Variants in ENO4 observed in about 807,000 individuals in gnomAD.
The protein encoded by ENO4 is 2-phospho-D-glycerate hydro-lyase.
A neutral mutation model predicts 63.2 loss-of-function variants in ENO4; 53 were observed. That is an observed-to-expected ratio of 0.84 (90% CI 0.67 to 1.05). The LOEUF is 1.05. Among genes scored for constraint, ENO4 ranks in the 50% least tolerant of loss-of-function variants. ENO4 has a pLI of 0.00. For missense variants in ENO4, 719 were observed against 772.0 expected (o/e 0.93, Z 0.81); for synonymous variants, 266 against 283.8 (o/e 0.94, Z 0.63).
chr10:116,863,961 C>A (rs1278268515), intron 7 of ENO4, among the ~76,000 whole-genome samples: 1 of 152,180 alleles, frequency 6.6e-6, no homozygotes, highest in Non-Finnish European at 1.5e-5. Flanking sequence ...GACCTTGGGC[C>A]AATTCCATAG....
intron 3 of ENO4, among the ~76,000 whole-genome samples, chr10:116,857,299 C>T (rs937840574): frequency 6.6e-6 from 1 of 152,158 alleles, no homozygotes; most frequent in Admixed American, 6.5e-5. Context: ...CTTCTCCCCA[C>T]CTGTCACATG....
intron 10 of ENO4, among the ~76,000 whole-genome samples, chr10:116,909,844 T>A (rs150511069): frequency 3.9e-5 from 6 of 152,282 alleles, no homozygotes; most frequent in Non-Finnish European, 7.4e-5. Context: ...TTCTTTCTGG[T>A]TCTGTTCCAC....
chr10:116,859,208 C>T (rs1462968354), intron 4 of ENO4, 70 bp downstream of exon 4: 1 of 1,427,160 alleles, frequency 7.0e-7, no homozygotes, highest in South Asian at 1.6e-5. Context: ...GAAGCCTGGA[C>T]TGCCTTTCTG....
intron 6 of ENO4, 113 bp from the exon 7 acceptor site, chr10:116,862,686 C>T: frequency 1.4e-6 from 1 of 701,124 alleles, no homozygotes; most frequent in South Asian, 1.8e-5. Flanking sequence ...ATATCATCTG[C>T]TAATCAGGGA....
chr10:116,861,303 GA>G (rs1263876292), intron 6 of ENO4, 113 bp downstream of exon 6: 105 of 316,686 alleles, frequency 3.3e-4, no homozygotes, highest in Non-Finnish European at 4.3e-4. Context: ...GATAAAATGA[GA>G]AAAAAAATAT....
At position 116,882,235 on chromosome 10, in the gene ENO4, G is replaced by A. The variant is rs1847037161; in HGVS notation, c.*566G>A. 1 of 151,742 alleles carries A rather than the reference G, an allele frequency of 6.6e-6. No individual in the cohort carries two copies. The highest frequency in any genetic ancestry group is 1.5e-5 in the Non-Finnish European group (1 of 67,956). 9.4% of individuals were successfully genotyped at this position (151,742 alleles called of 1,614,324 possible). On this transcript the variant is annotated 3_prime_UTR_variant, in exon 14 of 14. Coordinates refer to ENST00000341276, the MANE Select transcript of ENO4 (RefSeq NM_001242699.2). ...AATTCCCTCTCCTTTTTAAATTTTA[G>A]TTTTTCTTGTATTATTTTTATCTTT...
chr10:116,901,360 T>C, intron 10 of ENO4: 1 of 985,150 alleles, frequency 1.0e-6, no homozygotes, highest in Non-Finnish European at 1.2e-6. Context: ...GAAAAGAAGG[T>C]TGTAAAAACG....
Position 116,855,661 on chromosome 10 carries a change from A to G in ENO4, c.204A>G (p.Ile68Met). The change falls in exon 2 of 14, where the codon ATA becomes ATG. Residue 68 changes from isoleucine (I) to methionine (M), a missense_variant. Coordinates refer to ENST00000341276, the MANE Select transcript of ENO4 (RefSeq NM_001242699.2). ...CFSKLAKPPTICKIVGKDVLD... is the reference protein window; with the variant it reads ...CFSKLAKPPTMCKIVGKDVLD... ...CTAAACTTGCAAAGCCTCCCACCAT[A>G]TGCAAAATAGTGGGGAAAGACGTAC... 1 of 1,536,288 alleles carries G rather than the reference A, an allele frequency of 6.5e-7. No individual in the cohort carries two copies. The highest frequency in any genetic ancestry group is 8.7e-7 in the Non-Finnish European group (1 of 1,146,926).
chr10:116,870,902 C>T (rs747257105), intron 8 of ENO4, among the ~76,000 whole-genome samples: 25 of 152,218 alleles, frequency 1.6e-4, no homozygotes, highest in Non-Finnish European at 3.2e-4. Flanking sequence ...GAAAAGTGCA[C>T]TCCCAGGCCA....
chr10:116,881,872 A>C lies in ENO4; in HGVS notation c.*203A>C. 1 of 417,844 alleles carries C rather than the reference A, an allele frequency of 2.4e-6. No homozygotes were observed. The highest frequency in any genetic ancestry group is 4.1e-6 in the Non-Finnish European group (1 of 240,986). 25.9% of individuals were successfully genotyped at this position (417,844 alleles called of 1,614,324 possible). On this transcript the variant is annotated 3_prime_UTR_variant, in exon 14 of 14. Transcript: ENST00000341276. The stretch of plus-strand genomic sequence containing the variant: ...CTGTGAACTTCGTTTTGCAGCCACC[A>C]CACTTCCATGTGGATTTTGTTTGTC...
intron 10 of ENO4, among the ~76,000 whole-genome samples, chr10:116,898,450 A>G (rs1240943437): frequency 5.3e-5 from 8 of 152,188 alleles, no homozygotes; most frequent in Non-Finnish European, 1.0e-4. Flanking sequence ...CTTAATCAAC[A>G]GAAGAGCATG....
rs187127258 is a variant in ENO4 at position 116,899,672 on chromosome 10, C to G, written c.1195-11827C>G. Among the ~76,000 whole-genome samples the G allele has an allele frequency of 6.2e-3, 943 of 152,270 alleles. 3 individuals are homozygous for G. Among genetic ancestry groups the G allele is most frequent in the Admixed American group, 0.01 (159 of 15,298 alleles). ...TAGCGCCACTCACGTGAAACACTAACGGTGGTGTTGCCACAGACAAAATAG... is the reference window on the plus strand; with the variant it reads ...TAGCGCCACTCACGTGAAACACTAAGGGTGGTGTTGCCACAGACAAAATAG... On this transcript the variant is annotated intron_variant, in intron 10 of 10. Transcript: ENST00000369207.
intron 9 of ENO4, among the ~76,000 whole-genome samples, chr10:116,873,077 G>A (rs1288427164): frequency 2.0e-5 from 3 of 152,108 alleles, no homozygotes; most frequent in African/African-American, 7.2e-5. Flanking sequence ...CTTATATTCA[G>A]TAAAATGTAT....
At chr10:116,883,844 T>C (rs1276116179), downstream of ENO4, 1 of 179,646 alleles carries the variant, frequency 5.6e-6, no homozygotes, top group Non-Finnish European at 1.2e-5. Context: ...GAAACTGCTG[T>C]GGGTGAGGAC....
chr10:116,881,533 C>CT lies in ENO4; in HGVS notation c.1750dup (p.Tyr584LeufsTer3), dbSNP rs763733545. ...TAAATAGGTTTCAAAGAAGAACACACTTTTTTTTACTTTAATGAGGAAGCT... is the reference window on the plus strand; with the variant it reads ...TAAATAGGTTTCAAAGAAGAACACACTTTTTTTTTACTTTAATGAGGAAGCT... On this transcript the variant is annotated frameshift_variant, in exon 14 of 14. Transcript: ENST00000341276. LOFTEE classifies it low-confidence loss of function (END_TRUNC). The CT allele has an allele frequency of 4.7e-5, 73 of 1,542,976 alleles. No individual in the cohort carries two copies. The highest frequency in any genetic ancestry group is 3.6e-4 in the Middle Eastern group (2 of 5,624).
chr10:116,891,329 G>A (rs1268513716), intron 10 of ENO4, among the ~76,000 whole-genome samples: 1 of 152,174 alleles, frequency 6.6e-6, no homozygotes, highest in African/African-American at 2.4e-5. Flanking sequence ...GCAACAGCTG[G>A]ACTATTTAAC....
At chr10:116,858,957 C>T (rs957853121) in intron 3 of ENO4, 33 bp from the exon 4 acceptor site, 1 of 1,411,836 alleles carries the variant, frequency 7.1e-7, no homozygotes, top group African/African-American at 1.4e-5. Context: ...TCCTAAATAT[C>T]CCACTGTAAA....
chr10:116,879,376 G>A lies in ENO4; in HGVS notation c.1605+18G>A, dbSNP rs1205129733. 2.6e-6 allele frequency: 4 copies of A among 1,532,722 alleles called. 1 individual carries two copies. The highest frequency in any genetic ancestry group is 2.4e-5 in the South Asian group (2 of 82,232). 94.9% of individuals were successfully genotyped at this position (1,532,722 alleles called of 1,614,324 possible). ...TCGATTTGGTAAGTGCTGAATGCTG[G>A]TCAACTGCCAAACACTGCTTTTATC... On this transcript the variant is annotated intron_variant, in intron 12 of 13. Coordinates refer to ENST00000341276, the MANE Select transcript of ENO4 (RefSeq NM_001242699.2).
intron 10 of ENO4, among the ~76,000 whole-genome samples, chr10:116,905,317 T>C (rs948740125): frequency 1.3e-5 from 2 of 151,992 alleles, no homozygotes; most frequent in Non-Finnish European, 2.9e-5. Flanking sequence ...ATAACGATTA[T>C]ATGTTACGGG....
Sources: gnomAD v4.1 joint callset for allele counts (sites outside exome capture counted in the v4.1 genomes callset) on GRCh38, gnomAD v4.1.1 for gene constraint, MANE v1.5 for transcripts, NCBI Gene and HGNC (gene_info 2026-07-23, HGNC 2026-07-21) for gene names.